The following C16orf74 variants were observed in gnomAD, a reference collection of about 807,000 sequenced individuals.
The protein encoded by C16orf74 is calcimembrin.
In C16orf74, 10 loss-of-function variants were observed where a neutral mutation model predicts 6.5. The ratio of observed to expected loss-of-function variants is 1.54; its 90% CI spans 0.95 to 2.61. C16orf74 has a LOEUF of 2.61. Ranked by LOEUF, C16orf74 falls within the 30% of genes most tolerant of loss-of-function variation. The pLI is 0.00. For missense variants in C16orf74, 141 were observed against 105.9 expected (o/e 1.33, Z -1.45); for synonymous variants, 60 against 42.5 (o/e 1.41, Z -1.60).
chr16:85,729,333 C>T (rs928280409), intron 2 of C16orf74, among the ~76,000 whole-genome samples: 3 of 152,222 alleles, frequency 2.0e-5, no homozygotes, highest in African/African-American at 7.2e-5. Flanking sequence ...TGGGACACTC[C>T]CGTGGGTCAC....
chr16:85,709,176 G>A (rs1025272235), intron 3 of C16orf74, among the ~76,000 whole-genome samples: 3 of 152,144 alleles, frequency 2.0e-5, no homozygotes, highest in Admixed American at 6.5e-5. Flanking sequence ...CCAACACAAC[G>A]AAACCCCATT....
chr16:85,724,016 T>C (rs2054108708), intron 2 of C16orf74, among the ~76,000 whole-genome samples: 1 of 152,308 alleles, frequency 6.6e-6, no homozygotes, highest in East Asian at 1.9e-4. Flanking sequence ...TTTTTTTCTT[T>C]TTTTTCAGAG....
chr16:85,736,597 G>T (rs1470103503), intron 1 of C16orf74, among the ~76,000 whole-genome samples: 1 of 152,026 alleles, frequency 6.6e-6, no homozygotes, highest in African/African-American at 2.4e-5. Flanking sequence ...ATACTGATGG[G>T]AACAGGCTTG....
chr16:85,730,697 C>T (rs1403881139), intron 2 of C16orf74, among the ~76,000 whole-genome samples: 1 of 149,032 alleles, frequency 6.7e-6, no homozygotes, highest in Non-Finnish European at 1.5e-5. Context: ...CAGGTAAACC[C>T]TCTTAGACCA....
chr16:85,730,851 C>T (rs1179518011), intron 2 of C16orf74, among the ~76,000 whole-genome samples: 1 of 133,720 alleles, frequency 7.5e-6, no homozygotes, highest in Non-Finnish European at 1.5e-5. Context: ...CAACAAAATC[C>T]CCCAAACCAC....
At chr16:85,720,303 C>T (rs993127089) in intron 2 of C16orf74, among the ~76,000 whole-genome samples, 2 of 152,150 alleles carry the variant, frequency 1.3e-5, no homozygotes, top group Admixed American at 6.5e-5. Flanking sequence ...GGTGCCCAGC[C>T]GCCTGGCTCT....
chr16:85,735,266 G>T, intron 1 of C16orf74, 31 bp from the exon 2 acceptor site: 1 of 1,530,080 alleles, frequency 6.5e-7, no homozygotes, highest in Non-Finnish European at 8.8e-7. Flanking sequence ...TGAGAGAGGG[G>T]AGGGCGCGAC....
At chr16:85,720,919 C>G (rs962746754) in intron 2 of C16orf74, among the ~76,000 whole-genome samples, 1 of 151,876 alleles carries the variant, frequency 6.6e-6, no homozygotes, top group African/African-American at 2.4e-5. Flanking sequence ...GAAAACTCAT[C>G]TCTACTAAAA....
At chr16:85,721,031 C>T (rs1353771207) in intron 2 of C16orf74, among the ~76,000 whole-genome samples, 1 of 152,086 alleles carries the variant, frequency 6.6e-6, no homozygotes, top group African/African-American at 2.4e-5. Flanking sequence ...GCAGAGGTTG[C>T]AGTGAACCAA....
At chr16:85,744,682 T>G (rs1249079571) in intron 1 of C16orf74, among the ~76,000 whole-genome samples, 2 of 151,380 alleles carry the variant, frequency 1.3e-5, no homozygotes, top group Non-Finnish European at 2.9e-5. Context: ...TACAAAAAAT[T>G]AGTCAGGCAT....
intron 1 of C16orf74, among the ~76,000 whole-genome samples, chr16:85,737,595 C>T (rs1251764422): frequency 5.9e-5 from 9 of 152,068 alleles, no homozygotes; most frequent in East Asian, 1.9e-4. Flanking sequence ...TTTGGGAGGC[C>T]GAGGTGGGCA....
chr16:85,708,682 C>T (rs143133007), intron 3 of C16orf74, among the ~76,000 whole-genome samples: 2 of 152,318 alleles, frequency 1.3e-5, no homozygotes, highest in Admixed American at 6.5e-5. Context: ...CAGAGGAATG[C>T]GCCCCATTGC....
chr16:85,735,559 G>T (rs761819402), intron 1 of C16orf74, among the ~76,000 whole-genome samples: 1 of 152,136 alleles, frequency 6.6e-6, no homozygotes, highest in African/African-American at 2.4e-5. Flanking sequence ...ATGGGGAACC[G>T]ACACCACCAA....
chr16:85,745,984 T>G (rs946176569), intron 1 of C16orf74, among the ~76,000 whole-genome samples: 2 of 152,132 alleles, frequency 1.3e-5, no homozygotes, highest in African/African-American at 4.8e-5. Context: ...GATGGCCAGG[T>G]AAAATACAGG....
At chr16:85,711,482 G>C (rs992901363) in intron 2 of C16orf74, among the ~76,000 whole-genome samples, 4 of 151,692 alleles carry the variant, frequency 2.6e-5, no homozygotes, top group African/African-American at 9.7e-5. Context: ...AATTAGCTGG[G>C]CATGGTGGTA....
chr16:85,731,386 G>T (rs391278), intron 2 of C16orf74, among the ~76,000 whole-genome samples: 5 of 152,182 alleles, frequency 3.3e-5, no homozygotes, highest in African/African-American at 4.8e-5. Context: ...AATCGTTAAG[G>T]GGCAGAGCTG....
chr16:85,728,006 T>G (rs2054151499), intron 2 of C16orf74, among the ~76,000 whole-genome samples: 1 of 147,378 alleles, frequency 6.8e-6, no homozygotes, highest in Non-Finnish European at 1.5e-5. Context: ...GGGCGTGGTG[T>G]TGTACACCTA....
chr16:85,722,081 G>T (rs433010), intron 2 of C16orf74, among the ~76,000 whole-genome samples: 3 of 147,906 alleles, frequency 2.0e-5, no homozygotes, highest in Non-Finnish European at 4.4e-5. Context: ...GCCTTGGCCT[G>T]CTAACTCCTG....
At chr16:85,749,697 A>G (rs571139480) in intron 1 of C16orf74, among the ~76,000 whole-genome samples, 4 of 152,212 alleles carry the variant, frequency 2.6e-5, no homozygotes, top group African/African-American at 4.8e-5. Flanking sequence ...AGCATGAACT[A>G]TCAGTGCGCT....
Sources: gnomAD v4.1 joint callset for allele counts (sites outside exome capture counted in the v4.1 genomes callset) on GRCh38, gnomAD v4.1.1 for gene constraint, MANE v1.5 for transcripts, NCBI Gene and HGNC (gene_info 2026-07-23, HGNC 2026-07-21) for gene names.